ATRNL1: variants seen among roughly 807,000 people sequenced by gnomAD.
ATRNL1 encodes the protein attractin like 1.
A neutral mutation model predicts 182.7 loss-of-function variants in ATRNL1; 95 were observed. That is an observed-to-expected ratio of 0.52 (90% CI 0.44 to 0.62). The LOEUF is 0.62. Among genes scored for constraint, ATRNL1 ranks in the 20% least tolerant of loss-of-function variants. The probability of loss-of-function intolerance (pLI) is 0.00; values close to 1 mark genes in which losing one functional copy is unlikely to be tolerated. For synonymous variants in ATRNL1, 576 were observed against 568.3 expected (o/e 1.01, Z -0.19); for missense variants, 1,471 against 1,679.5 (o/e 0.88, Z 2.17).
chr10:115,338,572 T>C (rs113803810), intron 19 of ATRNL1, among the ~76,000 whole-genome samples: 24 of 152,312 alleles, frequency 1.6e-4, no homozygotes, highest in African/African-American at 5.5e-4. Context: ...TTTGATTGGA[T>C]TATTAGATTT....
intron 26 of ATRNL1, among the ~76,000 whole-genome samples, chr10:115,683,842 C>CTATT (rs1171303933): frequency 1.3e-5 from 2 of 151,618 alleles, no homozygotes; most frequent in Non-Finnish European, 3.0e-5. Flanking sequence ...TTTATGTAAG[C>CTATT]TATTTTTTAA....
intron 1 of ATRNL1, among the ~76,000 whole-genome samples, chr10:115,099,834 G>C (rs538791102): frequency 6.6e-6 from 1 of 152,136 alleles, no homozygotes; most frequent in Admixed American, 6.5e-5. Context: ...TTCTTATGAG[G>C]TATATCATTT....
intron 18 of ATRNL1, among the ~76,000 whole-genome samples, chr10:115,329,587 C>T (rs1312781275): frequency 2.6e-5 from 4 of 152,124 alleles, no homozygotes; most frequent in South Asian, 2.1e-4. Flanking sequence ...TATAAATTCT[C>T]GATTGTTCTA....
chr10:115,353,745 T>C (rs1856376815), intron 19 of ATRNL1, among the ~76,000 whole-genome samples: 1 of 152,156 alleles, frequency 6.6e-6, no homozygotes, highest in Admixed American at 6.6e-5. Context: ...GTTTGCTTTG[T>C]CATTACTGTG....
At chr10:115,907,245 G>C (rs113266139) in intron 28 of ATRNL1, among the ~76,000 whole-genome samples, 67 of 152,192 alleles carry the variant, frequency 4.4e-4, no homozygotes, top group Admixed American at 4.4e-3. Context: ...TCATCAAAAA[G>C]GAAGCTGCGG....
chr10:115,840,918 C>T (rs1950792137), intron 27 of ATRNL1, among the ~76,000 whole-genome samples: 1 of 152,048 alleles, frequency 6.6e-6, no homozygotes, highest in Non-Finnish European at 1.5e-5. Flanking sequence ...GTCTCTCACA[C>T]TTAACAGTAC....
intron 26 of ATRNL1, among the ~76,000 whole-genome samples, chr10:115,567,120 T>G (rs1246802896): frequency 6.6e-6 from 1 of 152,166 alleles, no homozygotes; most frequent in East Asian, 1.9e-4. Context: ...AACTGTTGCA[T>G]TTAGTTTTCA....
intron 27 of ATRNL1, among the ~76,000 whole-genome samples, chr10:115,831,222 G>A (rs1294209316): frequency 1.3e-5 from 2 of 152,064 alleles, no homozygotes; most frequent in African/African-American, 4.8e-5. Context: ...GGGAGAGAAT[G>A]AGCATGTGGA....
At chr10:115,630,825 T>TAC (rs1432826317) in intron 26 of ATRNL1, among the ~76,000 whole-genome samples, 1 of 86,488 alleles carries the variant, frequency 1.2e-5, no homozygotes, top group Non-Finnish European at 2.1e-5. Flanking sequence ...ATATATGTAT[T>TAC]ATACACACAC....
intron 26 of ATRNL1, among the ~76,000 whole-genome samples, chr10:115,678,607 C>T (rs1328638527): frequency 6.6e-6 from 1 of 152,026 alleles, no homozygotes; most frequent in Non-Finnish European, 1.5e-5. Flanking sequence ...ATGCAAATAG[C>T]ATGATAATAA....
intron 26 of ATRNL1, among the ~76,000 whole-genome samples, chr10:115,652,117 A>C (rs1860050056): frequency 1.3e-5 from 2 of 152,072 alleles, no homozygotes; most frequent in South Asian, 4.1e-4. Context: ...GTTAGTAAAG[A>C]TTTATGCAGT....
chr10:115,682,978 G>A (rs1428390661), intron 26 of ATRNL1, among the ~76,000 whole-genome samples: 1 of 152,178 alleles, frequency 6.6e-6, no homozygotes, highest in Non-Finnish European at 1.5e-5. Context: ...TATTCTCTCA[G>A]AGAGTCGAGT....
chr10:115,300,352 T>C (rs1554924101), intron 16 of ATRNL1, 105 bp downstream of exon 16: 1 of 854,680 alleles, frequency 1.2e-6, no homozygotes, highest in Admixed American at 3.4e-5. Flanking sequence ...TTTATGTAAA[T>C]TTTATTTTTA....
intron 26 of ATRNL1, among the ~76,000 whole-genome samples, chr10:115,672,133 A>G (rs1448975854): frequency 6.6e-6 from 1 of 152,140 alleles, no homozygotes; most frequent in Non-Finnish European, 1.5e-5. Flanking sequence ...TAAAAACAAC[A>G]ATTACGACTA....
At chr10:115,339,268 G>C (rs1554937597) in intron 19 of ATRNL1, among the ~76,000 whole-genome samples, 1 of 151,814 alleles carries the variant, frequency 6.6e-6, no homozygotes, top group Non-Finnish European at 1.5e-5. Flanking sequence ...CTGTTATTTT[G>C]AGAGGGATTG....
At chr10:115,561,706 T>TGTGTGTGTGTGG (rs1410556189) in intron 26 of ATRNL1, among the ~76,000 whole-genome samples, 1,196 of 112,870 alleles carry the variant, frequency 0.011, 12 homozygotes, top group African/African-American at 0.032. Flanking sequence ...TGTGTGTGGG[T>TGTGTGTGTGTGG]GTGTGTGTGT....
intron 26 of ATRNL1, among the ~76,000 whole-genome samples, chr10:115,630,827 TACACACACACACACACACACACACAC>T (rs199640218): frequency 3.9e-5 from 5 of 129,842 alleles, no homozygotes; most frequent in South Asian, 5.4e-4. Flanking sequence ...ATATGTATTA[TACACACACACACACACACACACACAC>T]ACACACACAC....
intron 9 of ATRNL1, among the ~76,000 whole-genome samples, chr10:115,237,867 T>C (rs1554901840): frequency 2.0e-5 from 3 of 152,226 alleles, no homozygotes. Context: ...TTTTGCATTT[T>C]ACATTTAGCT....
intron 26 of ATRNL1, among the ~76,000 whole-genome samples, chr10:115,598,908 A>T (rs1480108463): frequency 8.1e-6 from 1 of 123,754 alleles, no homozygotes; most frequent in Non-Finnish European, 1.8e-5. Flanking sequence ...AAGTTTTTGC[A>T]CGTAGTTGTG....
Sources: allele counts gnomAD v4.1 joint callset (sites outside exome capture counted in the v4.1 genomes callset), GRCh38; gene constraint gnomAD v4.1.1; transcripts MANE v1.5; gene names NCBI Gene and HGNC (gene_info 2026-07-23, HGNC 2026-07-21).